Variants in ZNF583 observed in about 807,000 individuals in gnomAD.
ZNF583 encodes the protein zinc finger protein 583, also known as zinc finger protein L3-5.
Under a neutral mutation model 55.3 loss-of-function variants are expected in ZNF583, and 30 were observed. The ratio of observed to expected loss-of-function variants is 0.54; its 90% CI spans 0.41 to 0.74. ZNF583 has a LOEUF of 0.74. Ranked by LOEUF, ZNF583 falls within the 30% of genes least tolerant of loss-of-function variation. The pLI, the probability that ZNF583 is intolerant of heterozygous loss-of-function variation, is 0.00. For synonymous variants in ZNF583, 208 were observed against 220.0 expected (o/e 0.95, Z 0.48); for missense variants, 504 against 664.7 (o/e 0.76, Z 2.66).
rs971517866 is a variant in ZNF583, at chr19:56,414,602, G to A, written c.232+162G>A. The A allele has an allele frequency of 5.9e-5, 36 of 608,576 alleles. No individual in the cohort carries two copies. In the Admixed American group the frequency reaches 1.1e-3, roughly 18 times the overall value. 37.7% of individuals were successfully genotyped at this position (608,576 alleles called of 1,614,324 possible). Reference sequence around the variant, plus strand: ...ATCTTTAGTATGAGCTCCTCAATTTGTTCTCTCTGTCTATATTCTCTCACA... The same window carrying A: ...ATCTTTAGTATGAGCTCCTCAATTTATTCTCTCTGTCTATATTCTCTCACA... On this transcript the variant is annotated intron_variant, in intron 4 of 4. Coordinates refer to ENST00000333201, the MANE Select transcript of ZNF583 (RefSeq NM_152478.3).
chr19:56,422,925 A>G lies in ZNF583; in HGVS notation c.267A>G (p.Ser89=). The change falls in exon 5 of 5, where the codon TCA becomes TCG. Residue 89 remains serine (S), a synonymous_variant. Coordinates refer to ENST00000333201, the MANE Select transcript of ZNF583 (RefSeq NM_152478.3). ...WEYVFKNSEF[S]SKQETYEESS... ...ATGTATTTAAAAACAGTGAATTTTC[A>G]TCAAAGCAAGAGACATATGAAGAAT... 6.2e-7 allele frequency: 1 copy of G among 1,607,764 alleles called. No homozygotes were observed. The highest frequency in any genetic ancestry group is 8.5e-7 in the Non-Finnish European group (1 of 1,178,040).
At chr19:56,406,759 C>A (rs1035302423) in intron 1 of ZNF583, among the ~76,000 whole-genome samples, 3 of 152,118 alleles carry the variant, frequency 2.0e-5, no homozygotes, top group African/African-American at 4.8e-5. Context: ...GATCTCCTGA[C>A]TTCGTGATTC....
At position 56,406,517 on chromosome 19, in the gene ZNF583, G is replaced by T. The variant is rs145491450; in HGVS notation, c.-89-509G>T. On this transcript the variant is annotated intron_variant, in intron 1 of 4. Transcript: ENST00000333201. Reference sequence around the variant, plus strand: ...GGGGAGGTAACTTAAACACAGAACAGGTATGTTGTATTCTTTTTTTTTTTT... The same window carrying T: ...GGGGAGGTAACTTAAACACAGAACATGTATGTTGTATTCTTTTTTTTTTTT... Among the ~76,000 whole-genome samples the T allele has an allele frequency of 4.2e-3, 633 of 150,286 alleles. 5 individuals carry two copies. Among genetic ancestry groups the T allele is most frequent in the African/African-American group, 0.015 (607 of 41,116 alleles).
At chr19:56,406,811 G>GT (rs2042160623) in intron 1 of ZNF583, among the ~76,000 whole-genome samples, 1 of 145,802 alleles carries the variant, frequency 6.9e-6, no homozygotes, top group South Asian at 2.1e-4. Flanking sequence ...ACAGGCGTGA[G>GT]CCACCGCGCC....
In ZNF583 at chr19:56,425,585, T is replaced by C. The variant is rs1018673042; in HGVS notation, c.*1217T>C. 6.6e-6 allele frequency: 1 copy of C among 152,134 alleles called. No individual in the cohort carries two copies. The highest frequency in any genetic ancestry group is 1.9e-4 in the East Asian group (1 of 5,202). 9.4% of individuals were successfully genotyped at this position (152,134 alleles called of 1,614,324 possible). On this transcript the variant is annotated 3_prime_UTR_variant, in exon 5 of 5. Transcript: ENST00000333201. ...CATGTAAACAAAGGCAAAATCGAAA[T>C]TAAAAAGAAATCTTGAAACAAGTCA... is the stretch of plus-strand genomic sequence containing the variant.
At chr19:56,411,008 C>T (rs1054609242) in intron 2 of ZNF583, among the ~76,000 whole-genome samples, 3 of 151,794 alleles carry the variant, frequency 2.0e-5, no homozygotes, top group Admixed American at 6.6e-5. Flanking sequence ...GGTGAGGTGG[C>T]TCACCCCTGT....
At position 56,425,611 on chromosome 19, in the gene ZNF583, G is replaced by C. The variant is rs2042487395; in HGVS notation, c.*1243G>C. ...TAAAAAGAAATCTTGAAACAAGTCA[G>C]TAACCAATGATGAGTAGAAAATAAA... On this transcript the variant is annotated 3_prime_UTR_variant, in exon 5 of 5. Transcript: ENST00000333201. The C allele has an allele frequency of 6.6e-6, 1 of 152,162 alleles. No individual in the cohort carries two copies. The allele number at this position is 152,162 out of a possible 1,614,324, so 9.4% of individuals were successfully genotyped here.
chr19:56,404,271 G>C (rs940948117), upstream of ZNF583: 3 of 152,830 alleles, frequency 2.0e-5, no homozygotes, highest in Admixed American at 6.5e-5. This position sits in a 1 kb window ranked among gnomAD's most constrained non-coding sequence, Gnocchi z 5.2. Context: ...CAACATCCCA[G>C]CATCCTCTGC....
chr19:56,416,621 C>T (rs565323768), intron 4 of ZNF583, among the ~76,000 whole-genome samples: 3 of 149,638 alleles, frequency 2.0e-5, no homozygotes, highest in Non-Finnish European at 3.0e-5. Flanking sequence ...TGTCTATCTC[C>T]TGTAGATTCT....
rs139135869 is a variant in ZNF583 at position 56,417,490 on chromosome 19, A to G, written c.232+3050A>G. ...ATAACTTTTATGAAAACTTTGTTCA[A>G]ACATTTTTCCCATGTTTTATTGGAT... On this transcript the variant is annotated intron_variant, in intron 4 of 4. Transcript: ENST00000333201. Among the ~76,000 whole-genome samples the G allele has an allele frequency of 5.3e-5, 8 of 152,322 alleles. No individual in the cohort carries two copies. In the East Asian group the frequency reaches 1.3e-3, roughly 26 times the overall value.
chr19:56,421,376 T>C lies in ZNF583; in HGVS notation c.233-1515T>C, dbSNP rs2042413626. ...TTGCTCCTTGGCAGTCATTTCATAT[T>C]TCTTTTTTGACCCATCAGTCTTCAG... is the stretch of plus-strand genomic sequence containing the variant. On this transcript the variant is annotated intron_variant, in intron 4 of 4. Transcript: ENST00000333201. 3 of 715,578 alleles carry C rather than the reference T, an allele frequency of 4.2e-6. No individual in the cohort carries two copies. In the South Asian group the frequency reaches 1.9e-4, roughly 45 times the overall value. The allele number at this position is 715,578 out of a possible 1,614,324, so 44.3% of individuals were successfully genotyped here.
In ZNF583 at chr19:56,423,418, A is replaced by C; in HGVS notation, c.760A>C (p.Asn254His). The change falls in exon 5 of 5, where the codon AAC (asparagine) becomes CAC (histidine). Residue 254 changes from asparagine to histidine, a missense_variant. By Grantham distance (68) the Asn-to-His change is moderately conservative. Transcript: ENST00000333201. ...TGGGAAAACGTTCAGCCAGAGTGCAAACTTGGCGCAACATAAGAGAATACA... is the reference window on the plus strand; with the variant it reads ...TGGGAAAACGTTCAGCCAGAGTGCACACTTGGCGCAACATAAGAGAATACA... ...ECGKTFSQSA[N>H]LAQHKRIHTG... is the part of the protein sequence containing the mutation. 6.2e-7 allele frequency: 1 copy of C among 1,613,460 alleles called. No individual in the cohort carries two copies.
chr19:56,415,810 C>T (rs1164680493), intron 4 of ZNF583, among the ~76,000 whole-genome samples: 5 of 152,058 alleles, frequency 3.3e-5, no homozygotes, highest in Non-Finnish European at 7.4e-5. Flanking sequence ...AAATGATCTG[C>T]CCACCTGGGC....
chr19:56,421,933 AGAG>A (rs1328334614), intron 4 of ZNF583, among the ~76,000 whole-genome samples: 4 of 152,326 alleles, frequency 2.6e-5, no homozygotes, highest in Admixed American at 2.0e-4. Context: ...GCCATACTGA[AGAG>A]GTAATATGTG....
At chr19:56,414,503 G>T in intron 4 of ZNF583, 63 bp downstream of exon 4, 2 of 1,478,178 alleles carry the variant, frequency 1.4e-6, no homozygotes, top group Non-Finnish European at 1.9e-6. Flanking sequence ...AATTCTGAAA[G>T]ATTTCAGTTC....
chr19:56,427,230 C>T lies in ZNF583; in HGVS notation c.*2862C>T, dbSNP rs907490881. ...TTGCCAAAAGCCTCCTCACTCTCCC[C>T]TCTCTTGTATAAGTAAATTGAATGG... On this transcript the variant is annotated 3_prime_UTR_variant, in exon 5 of 5. Transcript: ENST00000333201. The T allele has an allele frequency of 1.3e-5, 2 of 152,086 alleles. No individual in the cohort carries two copies. The highest frequency in any genetic ancestry group is 4.8e-5 in the African/African-American group (2 of 41,396). 9.4% of individuals were successfully genotyped at this position (152,086 alleles called of 1,614,324 possible).
chr19:56,413,878 A>G, intron 2 of ZNF583, 81 bp from the exon 3 acceptor site: 1 of 1,586,214 alleles, frequency 6.3e-7, no homozygotes, highest in Non-Finnish European at 8.6e-7. Context: ...CTCTAAAAGT[A>G]TAGACAATTT....
intron 2 of ZNF583, among the ~76,000 whole-genome samples, chr19:56,408,884 C>T (rs929218259): frequency 2.6e-5 from 4 of 152,170 alleles, no homozygotes; most frequent in South Asian, 4.1e-4. Flanking sequence ...TCATTTTCTA[C>T]AAGTATTTAC....
At chr19:56,406,996 G>A in intron 1 of ZNF583, 30 bp from the exon 2 acceptor site, 1 of 1,143,630 alleles carries the variant, frequency 8.7e-7, no homozygotes, top group South Asian at 1.4e-5. Flanking sequence ...GGGCAGGCCT[G>A]GCATTTTATG....
Sources: allele counts gnomAD v4.1 joint callset (sites outside exome capture counted in the v4.1 genomes callset), GRCh38; gene constraint gnomAD v4.1.1; non-coding constraint Gnocchi (gnomAD v3.1); transcripts MANE v1.5; gene names NCBI Gene and HGNC (gene_info 2026-07-23, HGNC 2026-07-21).